Variants in BRDT observed in about 807,000 individuals in gnomAD.
The protein encoded by BRDT is bromodomain testis associated, also known as bromodomain testis-specific protein.
BRDT carries 77 observed loss-of-function variants against 113.9 expected under a neutral mutation model. The observed-to-expected ratio is 0.68, with a 90% CI of 0.56 to 0.82. BRDT has a LOEUF of 0.82. Among genes scored for constraint, BRDT ranks in the 40% least tolerant of loss-of-function variants. The pLI is 0.00. For missense variants in BRDT, 1,027 were observed against 1,105.4 expected, an observed-to-expected ratio of 0.93 and a Z score of 1.01; for synonymous variants, 358 against 366.5, an observed-to-expected ratio of 0.98 and a Z score of 0.26.
intron 12 of BRDT, among the ~76,000 whole-genome samples, chr1:91,985,213 G>A (rs1685099929): frequency 6.6e-6 from 1 of 152,028 alleles, no homozygotes; most frequent in Non-Finnish European, 1.5e-5. Flanking sequence ...ACAGGAGCAT[G>A]CCACCACACC....
Position 91,988,384 on chromosome 1 carries a change from A to C in BRDT, c.2003-2800A>C, listed in dbSNP as rs545492894. On this transcript the variant is annotated intron_variant, in intron 12 of 18. Coordinates refer to ENST00000399546, the MANE Select transcript of BRDT (RefSeq NM_207189.4). Reference sequence around the variant, plus strand: ...GTGTAAGTTGTCATTATTGTTATCGATTTTATTTTTATTTATTTATTTATT... The same window carrying C: ...GTGTAAGTTGTCATTATTGTTATCGCTTTTATTTTTATTTATTTATTTATT... Among the ~76,000 whole-genome samples the C allele has an allele frequency of 5.1e-4, 78 of 151,908 alleles. 1 individual carries two copies. The highest frequency in any genetic ancestry group is 2.2e-3 in the Admixed American group (33 of 15,212).
intron 12 of BRDT, among the ~76,000 whole-genome samples, chr1:91,983,545 C>T (rs1416769163): frequency 6.6e-6 from 1 of 152,046 alleles, no homozygotes; most frequent in Non-Finnish European, 1.5e-5. Context: ...TTAGCCACCA[C>T]GCCTGGCCTA....
intron 12 of BRDT, among the ~76,000 whole-genome samples, chr1:91,988,150 G>A (rs949222110): frequency 6.6e-6 from 1 of 151,954 alleles, no homozygotes; most frequent in Non-Finnish European, 1.5e-5. Flanking sequence ...CCCGGCCTAT[G>A]GTTAACTTTT....
intron 1 of BRDT, among the ~76,000 whole-genome samples, chr1:91,958,186 G>GTCTTTT (rs995739135): frequency 2.1e-5 from 3 of 140,962 alleles, no homozygotes; most frequent in Non-Finnish European, 4.6e-5. Flanking sequence ...CTTTCACGAT[G>GTCTTTT]TCTTTTCATG....
At position 91,980,833 on chromosome 1, in the gene BRDT, T is replaced by C. The variant is rs767921546; in HGVS notation, c.1460+18T>C. 4.4e-6 allele frequency: 7 copies of C among 1,589,506 alleles called. No homozygotes were observed. The Admixed American group carries it at 1.3e-4, about 30-fold the overall frequency. On this transcript the variant is annotated intron_variant, in intron 9 of 18. Transcript: ENST00000399546. ...AAGAGAAAGTAAGTATCTTTTATTATGATAGCTTATTAAGACAATAACGAT... is the reference window on the plus strand; with the variant it reads ...AAGAGAAAGTAAGTATCTTTTATTACGATAGCTTATTAAGACAATAACGAT...
intron 15 of BRDT, among the ~76,000 whole-genome samples, chr1:92,000,376 CCCTTT>C (rs1223559383): frequency 1.5e-4 from 23 of 152,288 alleles, no homozygotes; most frequent in African/African-American, 5.1e-4. Context: ...ACTATTTTTT[CCCTTT>C]CCTTGTTGAA....
intron 14 of BRDT, among the ~76,000 whole-genome samples, chr1:91,993,166 C>G (rs535054094): frequency 6.6e-6 from 1 of 152,194 alleles, no homozygotes; most frequent in East Asian, 1.9e-4. Flanking sequence ...GAGCTTTGGC[C>G]TGGGTCTATA....
intron 1 of BRDT, among the ~76,000 whole-genome samples, chr1:91,958,540 G>A (rs6663157): frequency 0.067 from 10,176 of 152,186 alleles, 402 homozygotes; most frequent in African/African-American, 0.096. Flanking sequence ...TTTTAGTGCT[G>A]AATAATATTT....
At chr1:91,990,762 T>C (rs1185623825) in intron 12 of BRDT, among the ~76,000 whole-genome samples, 3 of 152,186 alleles carry the variant, frequency 2.0e-5, no homozygotes, top group Non-Finnish European at 2.9e-5. Flanking sequence ...TTTCTTGATA[T>C]GTTTGTAATA....
intron 12 of BRDT, among the ~76,000 whole-genome samples, chr1:91,984,806 A>C (rs1685058748): frequency 1.3e-5 from 2 of 151,920 alleles, no homozygotes; most frequent in Admixed American, 1.3e-4. Context: ...TAATTTTTGT[A>C]CTTTTTTTGA....
intron 6 of BRDT, among the ~76,000 whole-genome samples, chr1:91,977,705 TAAAA>T (rs531587291): frequency 2.5e-5 from 3 of 121,618 alleles, no homozygotes; most frequent in Non-Finnish European, 3.4e-5. Context: ...TCGTCTCTAC[TAAAA>T]AAAAAAAAAA....
At chr1:91,994,712 C>A (rs1686113739) in intron 15 of BRDT, among the ~76,000 whole-genome samples, 1 of 150,746 alleles carries the variant, frequency 6.6e-6, no homozygotes, top group Non-Finnish European at 1.5e-5. Context: ...ACTAAAAATA[C>A]AAAAAATTAG....
rs1684119987 is a variant in BRDT, at chr1:91,976,178, T to A, written c.446-88T>A. On this transcript the variant is annotated intron_variant, in intron 4 of 18. Coordinates refer to ENST00000399546, the MANE Select transcript of BRDT (RefSeq NM_207189.4). ...TCCTATGCTTATATTGCTAAAAAGCTGAACTAAATGAAATAGAAAATAAGA... is the reference window on the plus strand; with the variant it reads ...TCCTATGCTTATATTGCTAAAAAGCAGAACTAAATGAAATAGAAAATAAGA... 5 of 1,316,066 alleles carry A rather than the reference T, an allele frequency of 3.8e-6. No homozygotes were observed. In the South Asian group the frequency reaches 5.1e-5, roughly 13 times the overall value. 81.5% of individuals were successfully genotyped at this position (1,316,066 alleles called of 1,614,324 possible).
In BRDT at chr1:91,992,182, G is replaced by A. The variant is rs1479801795; in HGVS notation, c.2065-82G>A. On this transcript the variant is annotated intron_variant, in intron 13 of 18. Transcript: ENST00000399546. The stretch of plus-strand genomic sequence containing the variant: ...TAATAAATAATACTGTCTTAAAAGA[G>A]CTCTAATTTGTGAAAAAGAAATATA... 8.5e-6 allele frequency: 6 copies of A among 702,098 alleles called. No homozygotes were observed. The Admixed American group carries it at 2.4e-4, about 28-fold the overall frequency. 43.5% of individuals were successfully genotyped at this position (702,098 alleles called of 1,614,324 possible). A position where few individuals can be genotyped will look rare whatever the true frequency, so the allele number is the denominator to read the frequency against.
intron 4 of BRDT, among the ~76,000 whole-genome samples, chr1:91,968,654 G>A (rs371710767): frequency 5.3e-5 from 8 of 152,154 alleles, no homozygotes; most frequent in East Asian, 3.9e-4. Flanking sequence ...TTAGTATTGC[G>A]TTGGAAGATT....
intron 18 of BRDT, among the ~76,000 whole-genome samples, chr1:92,005,805 A>G (rs1258557324): frequency 6.6e-6 from 1 of 152,248 alleles, no homozygotes; most frequent in Non-Finnish European, 1.5e-5. Context: ...GAAGTGATTT[A>G]TCACTTACTA....
At chr1:91,979,026 C>CA (rs1416677618) in intron 7 of BRDT, among the ~76,000 whole-genome samples, 1 of 138,414 alleles carries the variant, frequency 7.2e-6, no homozygotes, top group South Asian at 2.3e-4. Flanking sequence ...ACAACAACAA[C>CA]AAAAAAAACC....
At chr1:91,981,223 T>C (rs1232766014) in intron 10 of BRDT, 45 bp downstream of exon 10, 1 of 1,608,560 alleles carries the variant, frequency 6.2e-7, no homozygotes. Flanking sequence ...GGTATTTATG[T>C]TGGTTTTTGG....
chr1:91,952,131 A>AGAATTTG (rs564486875), intron 1 of BRDT: 10 of 152,362 alleles, frequency 6.6e-5, no homozygotes, highest in African/African-American at 2.2e-4. Flanking sequence ...ATGAACAAAT[A>AGAATTTG]GAATTTGGAA....
Sources: allele counts gnomAD v4.1 joint callset (sites outside exome capture counted in the v4.1 genomes callset), GRCh38; gene constraint gnomAD v4.1.1; transcripts MANE v1.5; gene names NCBI Gene and HGNC (gene_info 2026-07-23, HGNC 2026-07-21).